Variants in C1QTNF3 observed in about 807,000 individuals in gnomAD.
C1QTNF3 encodes the protein complement C1q tumor necrosis factor-related protein 3.
C1QTNF3 carries 26 observed loss-of-function variants against 32.6 expected under a neutral mutation model. The observed-to-expected ratio is 0.80, with a 90% confidence interval of 0.58 to 1.11. The LOEUF is 1.11. Among genes scored for constraint, C1QTNF3 ranks in the 50% least tolerant of loss-of-function variants. The pLI, the probability that C1QTNF3 is intolerant of heterozygous loss-of-function variation, is 0.00. For missense variants in C1QTNF3, 362 were observed against 398.2 expected, an observed-to-expected ratio of 0.91 and a Z score of 0.77; for synonymous variants, 155 against 146.0, an observed-to-expected ratio of 1.06 and a Z score of -0.44.
At chr5:34,112,211 G>A in the C1QTNF3 span, among the ~76,000 whole-genome samples, 6 of 151,890 alleles carry the variant, frequency 4.0e-5, no homozygotes, top group South Asian at 4.2e-4. Context: ...ATAGGCCATG[G>A]ACAGACAGAG....
chr5:34,122,117 C>T, the C1QTNF3 span, among the ~76,000 whole-genome samples: 1 of 152,160 alleles, frequency 6.6e-6, no homozygotes, highest in Non-Finnish European at 1.5e-5. Context: ...GTGCTCTATG[C>T]TATAACATAT....
At chr5:34,132,214 C>T in the C1QTNF3 span, among the ~76,000 whole-genome samples, 1 of 151,728 alleles carries the variant, frequency 6.6e-6, no homozygotes, top group Non-Finnish European at 1.5e-5. Context: ...TGGAGAAACC[C>T]GTCTCTACTA....
the C1QTNF3 span, among the ~76,000 whole-genome samples, chr5:34,213,273 G>C: frequency 3.0e-4 from 46 of 152,230 alleles, no homozygotes; most frequent in African/African-American, 1.0e-3. Flanking sequence ...ATCACTCTAT[G>C]AAGTTTGCAC....
At chr5:34,177,508 A>T in the C1QTNF3 span, among the ~76,000 whole-genome samples, 30 of 102,514 alleles carry the variant, frequency 2.9e-4, no homozygotes, top group African/African-American at 1.2e-3. Flanking sequence ...TTTTTTTGAG[A>T]CGGAGTCTTG....
chr5:34,080,532 CT>C, the C1QTNF3 span, among the ~76,000 whole-genome samples: 1 of 151,646 alleles, frequency 6.6e-6, no homozygotes, highest in Non-Finnish European at 1.5e-5. Context: ...GCTACAATAC[CT>C]CTAAAGTTAA....
chr5:34,132,445 A>G, the C1QTNF3 span, among the ~76,000 whole-genome samples: 10 of 31,244 alleles, frequency 3.2e-4, no homozygotes, highest in Non-Finnish European at 5.8e-4. Flanking sequence ...GTATATATAT[A>G]TATATATATA....
chr5:34,043,035 C>T lies in C1QTNF3; in HGVS notation c.91G>A (p.Gly31Arg), dbSNP rs199553003. 46 of 1,614,122 alleles carry T rather than the reference C, an allele frequency of 2.8e-5. No homozygotes were observed. The East Asian group carries it at 6.0e-4, about 21-fold the overall frequency. The part of the protein sequence containing the change: ...LCQDEYMEVS[G>R]RTNKVVARIV... ...CTTGCCACCACTTTATTAGTTCTTC[C>T]GCTCACCTCCATGTATTCATCTTGA... The change falls in exon 1 of 6, where the codon GGA becomes AGA. Residue 31 changes from glycine (G) to arginine (R), a missense_variant. Gly to Arg is a moderately radical substitution (Grantham distance 125). Coordinates refer to ENST00000382065, the MANE Select transcript of C1QTNF3 (RefSeq NM_181435.6).
At chr5:34,041,390 A>G (rs1337128162) in intron 1 of C1QTNF3, among the ~76,000 whole-genome samples, 1 of 152,212 alleles carries the variant, frequency 6.6e-6, no homozygotes, top group Non-Finnish European at 1.5e-5. Flanking sequence ...GGACATAATG[A>G]CCAAAGACAA....
the C1QTNF3 span, among the ~76,000 whole-genome samples, chr5:34,194,131 T>C: frequency 6.6e-6 from 1 of 152,330 alleles, no homozygotes; most frequent in African/African-American, 2.4e-5. Flanking sequence ...GACTCAAGCA[T>C]TCTGGCTCCG....
chr5:34,043,075 G>T lies in C1QTNF3; in HGVS notation c.51C>A (p.Leu17=), dbSNP rs754835283. The change falls in exon 1 of 6, where the codon CTC becomes CTA. Residue 17 remains leucine (L), a synonymous_variant. Coordinates refer to ENST00000382065, the MANE Select transcript of C1QTNF3 (RefSeq NM_181435.6). ...IYWQLLALFF[L]PFCLCQDEYM... is the part of the protein sequence containing the mutation. ...ATTCATCTTGACACAGGCAAAAAGG[G>T]AGGAAAAACAAAGCCAGCAGTTGCC... 1 of 1,613,920 alleles carries T rather than the reference G, an allele frequency of 6.2e-7. No individual in the cohort carries two copies. The highest frequency in any genetic ancestry group is 2.2e-5 in the East Asian group (1 of 44,882).
Position 34,033,360 on chromosome 5 carries a change from C to T in C1QTNF3, c.514G>A (p.Gly172Arg). 6.2e-7 allele frequency: 1 copy of T among 1,613,894 alleles called. No homozygotes were observed. Among genetic ancestry groups the T allele is most frequent in the Non-Finnish European group, 8.5e-7 (1 of 1,179,940 alleles). ...KGDLGPRGER[G>R]QHGPKGEKGY... ...TTCTCTCCTTTGGGGCCATGCTGCC[C>T]CCGCTCCCCTCGAGGCCCCAGGTCA... Residue 172 changes from glycine to arginine, a missense_variant, in exon 3 of 6, where the codon GGG becomes AGG. Physicochemically the swap from Gly to Arg is moderately radical, Grantham distance 125. Transcript: ENST00000382065.
chr5:34,174,243 G>A, the C1QTNF3 span, among the ~76,000 whole-genome samples: 2 of 152,132 alleles, frequency 1.3e-5, no homozygotes, highest in African/African-American at 2.4e-5. Flanking sequence ...TTTTTTTGTA[G>A]AGACATGGTT....
the C1QTNF3 span, among the ~76,000 whole-genome samples, chr5:34,088,725 G>A: frequency 1.1e-4 from 17 of 152,042 alleles, no homozygotes; most frequent in African/African-American, 3.9e-4. Context: ...TTGCCAAGGC[G>A]GGTCTGGAAC....
In C1QTNF3 at chr5:34,042,961, C is replaced by T. The variant is rs1005132863; in HGVS notation, c.165G>A (p.Glu55=). ...QQTGRSGSRR[E]KVRERSHPKT... is the part of the protein sequence containing the mutation. ...TAGGATGGCTCCGCTCTCTCACTTT[C>T]TCCCTCCTGGAGCCGCTACGGCCAG... Residue 55 remains glutamate (E), a synonymous_variant, in exon 1 of 6, where the codon GAG becomes GAA. Transcript: ENST00000382065. 6.2e-7 allele frequency: 1 copy of T among 1,614,202 alleles called. No individual in the cohort carries two copies. Among genetic ancestry groups the T allele is most frequent in the Non-Finnish European group, 8.5e-7 (1 of 1,180,032 alleles).
chr5:34,175,071 T>C, the C1QTNF3 span, among the ~76,000 whole-genome samples: 1 of 135,852 alleles, frequency 7.4e-6, no homozygotes, highest in South Asian at 2.3e-4. Flanking sequence ...TAAAGACAGG[T>C]CTCACTCTGT....
At chr5:34,102,320 C>A in the C1QTNF3 span, among the ~76,000 whole-genome samples, 1 of 152,042 alleles carries the variant, frequency 6.6e-6, no homozygotes, top group South Asian at 2.1e-4. Context: ...TCTAATAACA[C>A]AGAATACTAA....
chr5:34,042,908 G>A lies in C1QTNF3; in HGVS notation c.218C>T (p.Ser73Phe), dbSNP rs764791785. 1.2e-6 allele frequency: 2 copies of A among 1,614,192 alleles called. No homozygotes were observed. Among genetic ancestry groups the A allele is most frequent in the African/African-American group, 2.7e-5 (2 of 75,046 alleles). ...PKTGTVDNNT[S>F]TDLKSLRPDE... is the part of the protein sequence containing the mutation. ...TGGTCTCAGGGATTTTAGGTCTGTAGAAGTGTTATTATCCACAGTCCCAGT... is the reference window on the plus strand; with the variant it reads ...TGGTCTCAGGGATTTTAGGTCTGTAAAAGTGTTATTATCCACAGTCCCAGT... Residue 73 changes from serine to phenylalanine, a missense_variant, in exon 1 of 6, where the codon TCT becomes TTT. By Grantham distance (155) the Ser-to-Phe change is radical. Coordinates refer to ENST00000382065, the MANE Select transcript of C1QTNF3 (RefSeq NM_181435.6).
At chr5:34,234,943 T>C in the C1QTNF3 span, among the ~76,000 whole-genome samples, 3 of 152,200 alleles carry the variant, frequency 2.0e-5, no homozygotes, top group Non-Finnish European at 4.4e-5. Context: ...TGCCCAGTAG[T>C]TATGTGGAAA....
chr5:34,075,582 A>G, the C1QTNF3 span, among the ~76,000 whole-genome samples: 1 of 151,592 alleles, frequency 6.6e-6, no homozygotes, highest in Non-Finnish European at 1.5e-5. Context: ...TATAATAAAT[A>G]GGAAATGACA....
Sources: gnomAD v4.1 joint callset for allele counts (sites outside exome capture counted in the v4.1 genomes callset) on GRCh38, gnomAD v4.1.1 for gene constraint, MANE v1.5 for transcripts, NCBI Gene and HGNC (gene_info 2026-07-23, HGNC 2026-07-21) for gene names.